Variants in KDM1B observed in about 807,000 individuals in gnomAD.
The protein encoded by KDM1B is lysine-specific histone demethylase 2.
In KDM1B, 63 loss-of-function variants were observed where a neutral mutation model predicts 107.4. The ratio of observed to expected loss-of-function variants is 0.59; its 90% CI spans 0.48 to 0.72. The LOEUF is 0.72. Among genes scored for constraint, KDM1B ranks in the 30% least tolerant of loss-of-function variants. The probability of loss-of-function intolerance (pLI) is 0.00; values close to 1 mark genes in which losing one functional copy is unlikely to be tolerated. For synonymous variants in KDM1B, 363 were observed against 363.9 expected (o/e 1.00, Z 0.03); for missense variants, 749 against 1,020.8 (o/e 0.73, Z 3.63).
At chr6:18,170,456 T>C (rs541291945) in intron 6 of KDM1B, among the ~76,000 whole-genome samples, 1 of 152,288 alleles carries the variant, frequency 6.6e-6, no homozygotes, top group South Asian at 2.1e-4. Context: ...TTTGACTAAC[T>C]GAAAGTAAAT....
chr6:18,207,311 G>T, intron 15 of KDM1B, 87 bp from the exon 16 acceptor site: 1 of 1,496,464 alleles, frequency 6.7e-7, no homozygotes, highest in Non-Finnish European at 9.2e-7. Context: ...CTTGGTGGCT[G>T]TTCCCACCTG....
intron 2 of KDM1B, among the ~76,000 whole-genome samples, chr6:18,158,844 T>A (rs1183028860): frequency 2.6e-5 from 4 of 152,244 alleles, no homozygotes; most frequent in Non-Finnish European, 5.9e-5. Flanking sequence ...TGGACTAGTT[T>A]GGGAAATTTT....
rs1330797187 is a variant in KDM1B at position 18,223,476 on chromosome 6, T to TTAAAG, written c.*1487_*1491dup. 5 of 152,096 alleles carry TTAAAG rather than the reference T, an allele frequency of 3.3e-5. No individual in the cohort carries two copies. Among genetic ancestry groups the TTAAAG allele is most frequent in the African/African-American group, 1.2e-4 (5 of 41,418 alleles). The allele number at this position is 152,096 out of a possible 1,614,324, so 9.4% of individuals were successfully genotyped here. A position where few individuals can be genotyped will look rare whatever the true frequency, so the allele number is the denominator to read the frequency against. On this transcript the variant is annotated 3_prime_UTR_variant, in exon 22 of 22. Transcript: ENST00000650836. ...GGTACTGACTGGCAAGTATTCTGCTTTAAAGTATCATGTATTAAAATGTTT... is the reference window on the plus strand; with the variant it reads ...GGTACTGACTGGCAAGTATTCTGCTTTAAAGTAAAGTATCATGTATTAAAATGTTT...
chr6:18,188,605 T>C lies in KDM1B; in HGVS notation c.784+603T>C, dbSNP rs553451105. ...AGCAGGCATACTTTTGATTATTTACTTTATTTTTTATTTTATTTTATTTTT... is the reference window on the plus strand; with the variant it reads ...AGCAGGCATACTTTTGATTATTTACCTTATTTTTTATTTTATTTTATTTTT... On this transcript the variant is annotated intron_variant, in intron 9 of 21. Transcript: ENST00000650836. Among the ~76,000 whole-genome samples the C allele has an allele frequency of 5.9e-5, 9 of 152,172 alleles. No individual in the cohort carries two copies. The South Asian group carries it at 1.7e-3, about 28-fold the overall frequency.
chr6:18,175,214 C>T (rs1350270600), intron 7 of KDM1B, among the ~76,000 whole-genome samples: 9 of 152,206 alleles, frequency 5.9e-5, no homozygotes, highest in Admixed American at 1.3e-4. Flanking sequence ...ATTGTGGTTT[C>T]GACTTGCGTT....
At chr6:18,176,847 T>G (rs1786046755) in intron 7 of KDM1B, among the ~76,000 whole-genome samples, 1 of 152,176 alleles carries the variant, frequency 6.6e-6, no homozygotes, top group African/African-American at 2.4e-5. Context: ...TGTTGTTGGA[T>G]TCAGTTAGCT....
At position 18,177,379 on chromosome 6, in the gene KDM1B, T is replaced by G. The variant is rs189544121; in HGVS notation, c.534+5900T>G. Among the ~76,000 whole-genome samples the G allele has an allele frequency of 3.3e-5, 5 of 152,042 alleles. No individual in the cohort carries two copies. The East Asian group carries it at 9.7e-4, about 29-fold the overall frequency. On this transcript the variant is annotated intron_variant, in intron 7 of 21. Coordinates refer to ENST00000650836, the MANE Select transcript of KDM1B (RefSeq NM_001364614.2). ...CTTGGTTAATCTTGCTAATTGTCTA[T>G]CAACTTTATTTATCTTTTCAAAGAA...
rs766364339 is a variant in KDM1B at position 18,214,268 on chromosome 6, G to A, written c.2109+487G>A. ...CTCTGCCGTCATGTCACTGCCACACGAAAGAATCATGGCTGTTTCTGACTT... is the reference window on the plus strand; with the variant it reads ...CTCTGCCGTCATGTCACTGCCACACAAAAGAATCATGGCTGTTTCTGACTT... On this transcript the variant is annotated intron_variant, in intron 19 of 21. Transcript: ENST00000650836. The surrounding 1 kb of genome is among the most constrained non-coding windows in gnomAD (Gnocchi z 4.4). Among the ~76,000 whole-genome samples, 8 of 152,184 alleles carry A rather than the reference G, an allele frequency of 5.3e-5. No homozygotes were observed. Among genetic ancestry groups the A allele is most frequent in the Non-Finnish European group, 8.8e-5 (6 of 68,030 alleles).
chr6:18,159,210 C>T lies in KDM1B; in HGVS notation c.-13-673C>T, dbSNP rs1226602819. On this transcript the variant is annotated intron_variant, in intron 2 of 21. Transcript: ENST00000650836. The surrounding 1 kb of genome is among the most constrained non-coding windows in gnomAD (Gnocchi z 4.5). ...CTCGAACTCCTGACCTCATGATCCG[C>T]CTGCCTGGGCCTTGCAAAGTGCTGG... Among the ~76,000 whole-genome samples the T allele has an allele frequency of 6.6e-6, 1 of 152,146 alleles. No homozygotes were observed. The highest frequency in any genetic ancestry group is 2.4e-5 in the African/African-American group (1 of 41,432).
chr6:18,171,282 A>G, intron 6 of KDM1B, 81 bp from the exon 7 acceptor site: 3 of 793,340 alleles, frequency 3.8e-6, no homozygotes, highest in Non-Finnish European at 7.0e-6. Flanking sequence ...AGGTTGGAGA[A>G]GATGACCAAG....
Position 18,223,705 on chromosome 6 carries a change from T to C in KDM1B, c.*1713T>C, listed in dbSNP as rs1486136971. The C allele has an allele frequency of 1.3e-5, 2 of 152,316 alleles. No homozygotes were observed. The highest frequency in any genetic ancestry group is 2.4e-5 in the African/African-American group (1 of 41,578). 9.4% of individuals were successfully genotyped at this position (152,316 alleles called of 1,614,324 possible). ...TTTGTTTAAGAAGCCATGGTACTTT[T>C]TTCTTGAGTTACTTTGGATATGTTT... On this transcript the variant is annotated 3_prime_UTR_variant, in exon 22 of 22. Transcript: ENST00000650836.
chr6:18,197,500 C>A lies in KDM1B; in HGVS notation c.1147-87C>A. 3 of 1,039,948 alleles carry A rather than the reference C, an allele frequency of 2.9e-6. No homozygotes were observed. Among genetic ancestry groups the A allele is most frequent in the Non-Finnish European group, 4.4e-6 (3 of 679,864 alleles). 64.4% of individuals were successfully genotyped at this position (1,039,948 alleles called of 1,614,324 possible). ...AGGACATCAAAGAAATGTAAATGAA[C>A]GAATTTGCTCTGCAGTTCCGGAACA... On this transcript the variant is annotated intron_variant, in intron 11 of 21. Coordinates refer to ENST00000650836, the MANE Select transcript of KDM1B (RefSeq NM_001364614.2). This position sits in a 1 kb window ranked among gnomAD's most constrained non-coding sequence, Gnocchi z 4.5.
Position 18,211,694 on chromosome 6 carries a change from G to A in KDM1B, c.1867-794G>A, listed in dbSNP as rs1002095929. 9 of 152,218 alleles carry A rather than the reference G, an allele frequency of 5.9e-5. No homozygotes were observed. Among genetic ancestry groups the A allele is most frequent in the African/African-American group, 2.2e-4 (9 of 41,444 alleles). 9.4% of individuals were successfully genotyped at this position (152,218 alleles called of 1,614,324 possible). ...GATAATGGGGTCTGGAGCCAGAAAT[G>A]TCCAATTCCCAATGTTTGTGATGTG... On this transcript the variant is annotated intron_variant, in intron 17 of 21. Transcript: ENST00000650836. The surrounding 1 kb of genome is among the most constrained non-coding windows in gnomAD (Gnocchi z 5.2).
intron 6 of KDM1B, among the ~76,000 whole-genome samples, chr6:18,171,112 A>G (rs753316235): frequency 3.9e-5 from 6 of 152,116 alleles, no homozygotes; most frequent in East Asian, 1.9e-4. Context: ...GAGCCACTGC[A>G]CCTGGCCTAG....
rs1423367331 is a variant in KDM1B, at chr6:18,222,173, CT to C, written c.*183del. 5.7e-6 allele frequency: 4 copies of C among 697,144 alleles called. No individual in the cohort carries two copies. The East Asian group carries it at 1.1e-4, about 19-fold the overall frequency. The allele number at this position is 697,144 out of a possible 1,614,324, so 43.2% of individuals were successfully genotyped here. A position where few individuals can be genotyped will look rare whatever the true frequency, so the allele number is the denominator to read the frequency against. On this transcript the variant is annotated 3_prime_UTR_variant, in exon 22 of 22. Coordinates refer to ENST00000650836, the MANE Select transcript of KDM1B (RefSeq NM_001364614.2). ...TCTAAAAGCACTGACCTCAAAAAAC[CT>C]TATAAGCACTTAGATTTAATTGCAT...
At chr6:18,184,624 G>A (rs898033341) in intron 7 of KDM1B, among the ~76,000 whole-genome samples, 8 of 150,632 alleles carry the variant, frequency 5.3e-5, no homozygotes, top group Admixed American at 4.6e-4. Flanking sequence ...ATGTTGTAAT[G>A]TGTAGTCATA....
At chr6:18,199,979 G>C (rs896757012) in intron 12 of KDM1B, among the ~76,000 whole-genome samples, 1 of 152,128 alleles carries the variant, frequency 6.6e-6, no homozygotes, top group African/African-American at 2.4e-5. Context: ...CCAGGGTTCA[G>C]GTGATTCTCG....
chr6:18,174,412 G>T (rs1346283403), intron 7 of KDM1B, among the ~76,000 whole-genome samples: 1 of 151,976 alleles, frequency 6.6e-6, no homozygotes, highest in African/African-American at 2.4e-5. Flanking sequence ...TCCTCTAAGG[G>T]GTTGGTAAAT....
rs1254309579 is a variant in KDM1B at position 18,221,779 on chromosome 6, A to AGT, written c.2386-126_2386-125dup. ...AAAAGTTCCAGTGTTACGATGGGTG[A>AGT]GTGTGAATATGAGCACACAGGAGTG... On this transcript the variant is annotated intron_variant, in intron 21 of 21. Transcript: ENST00000650836. 1.6e-5 allele frequency: 11 copies of AGT among 708,672 alleles called. No individual in the cohort carries two copies. In the Admixed American group the frequency reaches 2.8e-4, roughly 18 times the overall value. 43.9% of individuals were successfully genotyped at this position (708,672 alleles called of 1,614,324 possible).
Sources: allele counts gnomAD v4.1 joint callset (sites outside exome capture counted in the v4.1 genomes callset), GRCh38; gene constraint gnomAD v4.1.1; non-coding constraint Gnocchi (gnomAD v3.1); transcripts MANE v1.5; gene names NCBI Gene and HGNC (gene_info 2026-07-23, HGNC 2026-07-21).